The following SPAG16 variants were observed in gnomAD, a reference collection of about 807,000 sequenced individuals.
SPAG16 encodes sperm-associated antigen 16 protein.
Under a neutral mutation model 80.4 loss-of-function variants are expected in SPAG16, and 86 were observed. That is an observed-to-expected ratio of 1.07 (90% CI 0.90 to 1.28). The LOEUF is 1.28. Ranked by LOEUF, SPAG16 falls within the 50% of genes most tolerant of loss-of-function variation. The pLI is 0.00. For synonymous variants in SPAG16, 294 were observed against 265.9 expected, an observed-to-expected ratio of 1.11 and a Z score of -1.03; for missense variants, 870 against 765.3, an observed-to-expected ratio of 1.14 and a Z score of -1.61.
At chr2:214,095,198 TCA>T (rs921629119) in intron 13 of SPAG16, among the ~76,000 whole-genome samples, 2 of 152,082 alleles carry the variant, frequency 1.3e-5, no homozygotes, top group African/African-American at 4.8e-5. Flanking sequence ...GCTGGGGATC[TCA>T]CATGTGTAAT....
At chr2:213,862,390 C>T in intron 10 of SPAG16, 95 bp from the exon 11 acceptor site, 2 of 1,495,604 alleles carry the variant, frequency 1.3e-6, no homozygotes, top group Non-Finnish European at 1.8e-6. Flanking sequence ...TCCTGCCTTG[C>T]TAAAATCGGA....
intron 10 of SPAG16, among the ~76,000 whole-genome samples, chr2:213,693,615 T>C (rs1415278759): frequency 6.6e-6 from 1 of 152,232 alleles, no homozygotes; most frequent in Non-Finnish European, 1.5e-5. Context: ...TATTTCCTAT[T>C]CTTTTCCTTA....
chr2:213,674,888 G>T (rs1487682128), intron 10 of SPAG16, among the ~76,000 whole-genome samples: 3 of 149,276 alleles, frequency 2.0e-5, no homozygotes, highest in Non-Finnish European at 4.4e-5. Context: ...ATAATCCTTT[G>T]GGTATATACC....
intron 13 of SPAG16, among the ~76,000 whole-genome samples, chr2:214,078,491 C>T (rs1351817239): frequency 5.1e-5 from 7 of 138,354 alleles, no homozygotes; most frequent in Non-Finnish European, 7.7e-5. Flanking sequence ...AGGAGGTCGA[C>T]GCTGAAGTGA....
intron 13 of SPAG16, among the ~76,000 whole-genome samples, chr2:214,082,233 T>C (rs746163085): frequency 5.9e-5 from 9 of 152,206 alleles, no homozygotes; most frequent in Non-Finnish European, 1.0e-4. Flanking sequence ...TATCCCTGAG[T>C]CCACTCTTAA....
In SPAG16 at chr2:213,818,751, G is replaced by A. The variant is rs150824708; in HGVS notation, c.1071-43734G>A. Among the ~76,000 whole-genome samples, 748 of 152,196 alleles carry A rather than the reference G, an allele frequency of 4.9e-3. 7 individuals carry two copies. The highest frequency in any genetic ancestry group is 0.017 in the African/African-American group (714 of 41,540). ...CTAGTGGGAGGTGATTGTACCATGG[G>A]GGTGGTTTTCCTGCTGCCATTCTCG... On this transcript the variant is annotated intron_variant, in intron 10 of 15. Transcript: ENST00000331683.
chr2:213,926,747 G>A (rs2078499640), intron 11 of SPAG16, among the ~76,000 whole-genome samples: 1 of 151,952 alleles, frequency 6.6e-6, no homozygotes, highest in Admixed American at 6.6e-5. Context: ...ATAACAACTA[G>A]TGTCCTTCAG....
intron 15 of SPAG16, among the ~76,000 whole-genome samples, chr2:214,198,594 C>G (rs1316819352): frequency 6.6e-6 from 1 of 152,006 alleles, no homozygotes; most frequent in Non-Finnish European, 1.5e-5. Flanking sequence ...ATAATGACTT[C>G]TTTTCCTTTG....
At chr2:213,477,011 C>G (rs753718618) in intron 9 of SPAG16, among the ~76,000 whole-genome samples, 3 of 152,100 alleles carry the variant, frequency 2.0e-5, no homozygotes, top group African/African-American at 4.8e-5. Flanking sequence ...ATCTGTGAAG[C>G]TGAGTCGGGT....
intron 12 of SPAG16, among the ~76,000 whole-genome samples, chr2:213,976,142 A>ACACG (rs2045377255): frequency 6.8e-6 from 1 of 146,740 alleles, no homozygotes; most frequent in African/African-American, 2.5e-5. Flanking sequence ...ATATACACAC[A>ACACG]CACACACACA....
At chr2:213,404,523 G>A (rs1000452307) in intron 9 of SPAG16, among the ~76,000 whole-genome samples, 1 of 152,108 alleles carries the variant, frequency 6.6e-6, no homozygotes, top group African/African-American at 2.4e-5. Context: ...AGCTGAAACT[G>A]GATCCCTTCC....
chr2:214,148,149 A>T (rs79260980), intron 14 of SPAG16, among the ~76,000 whole-genome samples: 2,835 of 152,286 alleles, frequency 0.019, 38 homozygotes, highest in Non-Finnish European at 0.029. Flanking sequence ...TACTCATTCA[A>T]TTTGTGAGTG....
At position 213,929,964 on chromosome 2, in the gene SPAG16, G is replaced by A. The variant is rs1171232370; in HGVS notation, c.1219G>A (p.Asp407Asn). Residue 407 changes from aspartate (D) to asparagine (N), a missense_variant, in exon 12 of 16, where the codon GAC becomes AAC. Coordinates refer to ENST00000331683, the MANE Select transcript of SPAG16 (RefSeq NM_024532.5). ...TTTTTATGTTTTTGCAAATAGTGGC[G>A]ACAAATTGGCTACTTCAAGTGGTGA... ...LSDCCFHPSGDKLATSSGDTT... is the reference protein window; with the variant it reads ...LSDCCFHPSGNKLATSSGDTT... 9 of 1,599,092 alleles carry A rather than the reference G, an allele frequency of 5.6e-6. No individual in the cohort carries two copies. Among genetic ancestry groups the A allele is most frequent in the East Asian group, 4.5e-5 (2 of 44,710 alleles).
At chr2:213,974,714 G>C (rs1179379133) in intron 12 of SPAG16, among the ~76,000 whole-genome samples, 1 of 151,904 alleles carries the variant, frequency 6.6e-6, no homozygotes, top group African/African-American at 2.4e-5. Flanking sequence ...GTAACTCTCT[G>C]TTACACGTCT....
At chr2:213,380,845 G>C (rs904294211) in intron 9 of SPAG16, among the ~76,000 whole-genome samples, 14 of 152,104 alleles carry the variant, frequency 9.2e-5, no homozygotes, top group African/African-American at 3.1e-4. Flanking sequence ...GTTTCAGAGC[G>C]TTCTCCTGTT....
At chr2:214,254,118 G>GAATGCTTGCAAT (rs202179529) in intron 15 of SPAG16, among the ~76,000 whole-genome samples, 152,160 of 152,202 alleles carry the variant, frequency 1, 76,059 homozygotes, top group Middle Eastern at 1. Flanking sequence ...TTGGTGTCTG[G>GAATGCTTGCAAT]TTTTGCACAT....
intron 13 of SPAG16, among the ~76,000 whole-genome samples, chr2:214,061,839 A>C (rs2050271348): frequency 6.6e-6 from 1 of 152,132 alleles, no homozygotes; most frequent in Admixed American, 6.5e-5. Context: ...GGACCCATTT[A>C]ACAAGTTAGA....
intron 12 of SPAG16, among the ~76,000 whole-genome samples, chr2:213,976,316 A>G (rs1269523183): frequency 6.7e-6 from 1 of 149,482 alleles, no homozygotes; most frequent in African/African-American, 2.5e-5. Context: ...GTGTGCGCAT[A>G]TGTGTACGCA....
At chr2:213,397,230 A>T (rs191291691) in intron 9 of SPAG16, among the ~76,000 whole-genome samples, 2 of 152,306 alleles carry the variant, frequency 1.3e-5, no homozygotes, top group Admixed American at 6.5e-5. Context: ...GGAGCCTGGG[A>T]CTTGATGTCC....
Sources: allele counts gnomAD v4.1 joint callset (sites outside exome capture counted in the v4.1 genomes callset), GRCh38; gene constraint gnomAD v4.1.1; transcripts MANE v1.5; gene names NCBI Gene and HGNC (gene_info 2026-07-23, HGNC 2026-07-21).